Variants in ARMC1 observed in about 807,000 individuals in gnomAD.
The protein encoded by ARMC1 is armadillo repeat-containing protein 1.
ARMC1 carries 16 observed loss-of-function variants against 31.4 expected under a neutral mutation model. The ratio of observed to expected loss-of-function variants is 0.51; its 90% CI spans 0.34 to 0.77. ARMC1 has a LOEUF of 0.77. ARMC1 is among the 30% of genes least tolerant of loss of function. The probability of loss-of-function intolerance (pLI) is 0.01; values close to 1 mark genes in which losing one functional copy is unlikely to be tolerated. For missense variants in ARMC1, 259 were observed against 347.5 expected (o/e 0.75, Z 2.02); for synonymous variants, 114 against 118.9 (o/e 0.96, Z 0.27).
intron 6 of ARMC1, 119 bp from the exon 7 acceptor site, chr8:65,604,704 C>G (rs1807965337): frequency 1.3e-6 from 1 of 769,034 alleles, no homozygotes; most frequent in South Asian, 1.8e-5. Flanking sequence ...TTGCTGAGCA[C>G]TGTGTCAATA....
At chr8:65,623,067 T>G (rs901222849) in intron 2 of ARMC1, among the ~76,000 whole-genome samples, 4 of 150,120 alleles carry the variant, frequency 2.7e-5, no homozygotes, top group Non-Finnish European at 5.9e-5. Context: ...CTCAGCACTT[T>G]AGGAGGCCAA....
intron 4 of ARMC1, among the ~76,000 whole-genome samples, chr8:65,611,589 C>G (rs1403628541): frequency 6.6e-6 from 1 of 152,024 alleles, no homozygotes; most frequent in African/African-American, 2.4e-5. Flanking sequence ...TCCCCTTCAG[C>G]TGCTTCTATT....
intron 3 of ARMC1, among the ~76,000 whole-genome samples, chr8:65,619,702 G>A (rs1258914079): frequency 6.6e-6 from 1 of 151,820 alleles, no homozygotes; most frequent in East Asian, 1.9e-4. Flanking sequence ...ACAAAAATTA[G>A]GCCAGGCGCA....
At chr8:65,622,188 C>A in intron 3 of ARMC1, 75 bp downstream of exon 3, 1 of 1,207,038 alleles carries the variant, frequency 8.3e-7, no homozygotes, top group South Asian at 1.3e-5. Flanking sequence ...CCAGCATGGG[C>A]AACATAGTGA....
At position 65,608,698 on chromosome 8, in the gene ARMC1, A is replaced by G. The variant is rs548155117; in HGVS notation, c.466-3160T>C. ...CAAGGCAGGCAGATCACTTGAGATC[A>G]GGAGTTCAAAACCAGACTGGCCAAT... On this transcript the variant is annotated intron_variant, in intron 4 of 6. Transcript: ENST00000276569. Among the ~76,000 whole-genome samples, 310 of 152,196 alleles carry G rather than the reference A, an allele frequency of 2.0e-3. 10 individuals carry two copies. The South Asian group carries it at 0.063, about 31-fold the overall frequency.
At chr8:65,604,951 C>A (rs1252954732) in intron 6 of ARMC1, among the ~76,000 whole-genome samples, 1 of 152,190 alleles carries the variant, frequency 6.6e-6, no homozygotes, top group Non-Finnish European at 1.5e-5. Flanking sequence ...CAAGGATTTT[C>A]ACCCTATTTA....
chr8:65,627,969 C>A (rs1252403094), intron 1 of ARMC1, among the ~76,000 whole-genome samples: 1 of 152,024 alleles, frequency 6.6e-6, no homozygotes, highest in East Asian at 1.9e-4. Flanking sequence ...GTGGCTCAGG[C>A]CAGTAGAGTG....
At chr8:65,624,783 A>G (rs202054693) in intron 2 of ARMC1, among the ~76,000 whole-genome samples, 3 of 152,124 alleles carry the variant, frequency 2.0e-5, no homozygotes, top group Non-Finnish European at 2.9e-5. Context: ...ACAAAAGTGT[A>G]TACTAATAAG....
In ARMC1 at chr8:65,627,407, C is replaced by A; in HGVS notation, c.-9G>T. 1 of 1,551,470 alleles carries A rather than the reference C, an allele frequency of 6.4e-7. No individual in the cohort carries two copies. Among genetic ancestry groups the A allele is most frequent in the South Asian group, 1.2e-5 (1 of 83,418 alleles). ...GAAGTGGAAGAATTCATCTTCTATG[C>A]CATGCACATGAATAAAATCTTAAAT... On this transcript the variant is annotated 5_prime_UTR_variant, in exon 2 of 7. Coordinates refer to ENST00000276569, the MANE Select transcript of ARMC1 (RefSeq NM_018120.6).
intron 2 of ARMC1, among the ~76,000 whole-genome samples, chr8:65,624,490 C>G (rs1808470340): frequency 3.6e-5 from 1 of 27,998 alleles, no homozygotes; most frequent in South Asian, 1.7e-3. Flanking sequence ...CAGAGCAAGA[C>G]TCCATCTCAA....
chr8:65,623,307 C>CAAA (rs71245496), intron 2 of ARMC1, among the ~76,000 whole-genome samples: 1 of 38,338 alleles, frequency 2.6e-5, no homozygotes, highest in African/African-American at 1.4e-4. Flanking sequence ...GACTCCGTCT[C>CAAA]AAAAAAAAAA....
intron 1 of ARMC1, among the ~76,000 whole-genome samples, chr8:65,628,399 T>TTC: frequency 7.2e-6 from 1 of 138,390 alleles, no homozygotes; most frequent in Non-Finnish European, 1.6e-5. Context: ...TAATTTTTTT[T>TTC]TTTTTTTTTT....
intron 1 of ARMC1, 28 bp from the exon 2 acceptor site, chr8:65,627,461 C>A: frequency 7.3e-7 from 1 of 1,378,658 alleles, no homozygotes; most frequent in African/African-American, 1.4e-5. Flanking sequence ...AGAATTAGTT[C>A]TAGGCTGCTG....
intron 2 of ARMC1, among the ~76,000 whole-genome samples, chr8:65,626,845 A>G (rs769367723): frequency 6.6e-6 from 1 of 152,230 alleles, no homozygotes; most frequent in East Asian, 1.9e-4. Context: ...GCGAAACCCT[A>G]TCTCTACAAA....
At chr8:65,628,760 G>A (rs1031034744) in intron 1 of ARMC1, among the ~76,000 whole-genome samples, 1 of 151,776 alleles carries the variant, frequency 6.6e-6, no homozygotes, top group Admixed American at 6.6e-5. Context: ...GGGAGGCTGA[G>A]GCAGGAGAAT....
chr8:65,619,263 G>A (rs537915826), intron 3 of ARMC1, among the ~76,000 whole-genome samples: 1 of 152,252 alleles, frequency 6.6e-6, no homozygotes, highest in South Asian at 2.1e-4. Flanking sequence ...GGCCAGGGGT[G>A]GTGATTCACC....
intron 2 of ARMC1, among the ~76,000 whole-genome samples, chr8:65,625,887 CTTTT>C (rs1318215282): frequency 7.1e-6 from 1 of 141,682 alleles, no homozygotes; most frequent in Non-Finnish European, 1.5e-5. Flanking sequence ...TTTTTAACAA[CTTTT>C]TTTTTTTTTT....
chr8:65,629,743 G>T (rs917616083), intron 1 of ARMC1, among the ~76,000 whole-genome samples: 1 of 149,840 alleles, frequency 6.7e-6, no homozygotes, highest in African/African-American at 2.5e-5. Flanking sequence ...AGGTTACAGT[G>T]AGCCGAGATT....
chr8:65,624,389 C>T (rs2129043665), intron 2 of ARMC1, among the ~76,000 whole-genome samples: 1 of 149,396 alleles, frequency 6.7e-6, no homozygotes, highest in East Asian at 2.0e-4. Flanking sequence ...ATCTCAGCTG[C>T]TAGGGAGGCT....
Sources: allele counts gnomAD v4.1 joint callset (sites outside exome capture counted in the v4.1 genomes callset), GRCh38; gene constraint gnomAD v4.1.1; transcripts MANE v1.5; gene names NCBI Gene and HGNC (gene_info 2026-07-23, HGNC 2026-07-21).